DMD: variants seen among roughly 807,000 people sequenced by gnomAD.
The protein encoded by DMD is mutant dystrophin.
In DMD, 63 loss-of-function variants were observed where a neutral mutation model predicts 330.1. That is an observed-to-expected ratio of 0.19 (90% CI 0.16 to 0.24). The LOEUF (loss-of-function observed/expected upper bound fraction) is 0.24, where lower values mean the gene tolerates loss of function less well. Ranked by LOEUF, DMD falls within the 10% of genes least tolerant of loss-of-function variation. The probability of loss-of-function intolerance (pLI) is 1.00; values close to 1 mark genes in which losing one functional copy is unlikely to be tolerated. For missense variants in DMD, 3,344 were observed against 2,684.1 expected (o/e 1.25, Z -5.43); for synonymous variants, 1,223 against 959.8 (o/e 1.27, Z -5.07).
chrX:33,276,301 T>C (rs887294332), intron 1 of DMD, among the ~76,000 whole-genome samples: 2 of 110,788 alleles, frequency 1.8e-5, no homozygotes, highest in Non-Finnish European at 3.8e-5. Context: ...ATGAAGAGGC[T>C]GGAGTATTTT....
chrX:33,022,711 T>C (rs2093936665), intron 1 of DMD, among the ~76,000 whole-genome samples: 1 of 111,565 alleles, frequency 9.0e-6, no homozygotes, highest in Admixed American at 9.6e-5. Context: ...GTGACAGAAA[T>C]GAACTTGATA....
chrX:31,842,086 A>G (rs5927880), intron 48 of DMD, among the ~76,000 whole-genome samples: 42,516 of 110,645 alleles, frequency 0.38, 6,594 homozygotes, highest in African/African-American at 0.58. Flanking sequence ...TGTGATTCAT[A>G]GAAAGAGGTA....
At chrX:31,820,557 C>G (rs2092731000) in intron 49 of DMD, among the ~76,000 whole-genome samples, 1 of 112,038 alleles carries the variant, frequency 8.9e-6, no homozygotes, top group African/African-American at 3.2e-5. Flanking sequence ...AAGAAAGACT[C>G]TTGTTCTAGA....
chrX:33,151,071 T>A (rs916863731), intron 1 of DMD, among the ~76,000 whole-genome samples: 5 of 112,753 alleles, frequency 4.4e-5, no homozygotes, highest in Non-Finnish European at 7.5e-5. Flanking sequence ...TGCTTTGCTA[T>A]GTTATGCTGC....
intron 13 of DMD, among the ~76,000 whole-genome samples, chrX:32,594,533 T>C (rs2055299781): frequency 9.0e-6 from 1 of 111,527 alleles, no homozygotes; most frequent in Non-Finnish European, 1.9e-5. Flanking sequence ...TGTTTCTCTT[T>C]CCTGTAATTC....
chrX:32,494,665 A>T (rs987567829), intron 19 of DMD, among the ~76,000 whole-genome samples: 8 of 111,755 alleles, frequency 7.2e-5, no homozygotes, highest in Admixed American at 1.9e-4. Flanking sequence ...AGACAATGCC[A>T]TATAGAGGAA....
chrX:32,677,120 T>G (rs2062025125), intron 9 of DMD, among the ~76,000 whole-genome samples: 1 of 111,500 alleles, frequency 9.0e-6, no homozygotes, highest in Admixed American at 9.6e-5. Context: ...ATAAAATTAA[T>G]TGAAAAGAGT....
chrX:33,037,500 G>A (rs1174311505), intron 1 of DMD, among the ~76,000 whole-genome samples: 1 of 111,400 alleles, frequency 9.0e-6, no homozygotes, highest in Non-Finnish European at 1.9e-5. Flanking sequence ...AATTGTCTCT[G>A]GGTTACTATC....
At chrX:32,893,912 T>G (rs897554709) in intron 2 of DMD, among the ~76,000 whole-genome samples, 4 of 110,812 alleles carry the variant, frequency 3.6e-5, no homozygotes, top group African/African-American at 1.3e-4. Context: ...GGCTGGCATG[T>G]TTGGGCTTGC....
chrX:32,179,138 A>G (rs2096918503), intron 44 of DMD, among the ~76,000 whole-genome samples: 1 of 110,977 alleles, frequency 9.0e-6, no homozygotes. Context: ...CATTTAAGCT[A>G]CCATACAAGC....
chrX:31,348,468 C>A, intron 61 of DMD, 88 bp downstream of exon 61: 1 of 802,533 alleles, frequency 1.2e-6, no homozygotes, highest in South Asian at 2.2e-5. Flanking sequence ...TACTATAATT[C>A]AACTCTTAAT....
At chrX:31,693,757 C>T (rs1004995828) in intron 52 of DMD, among the ~76,000 whole-genome samples, 3 of 111,496 alleles carry the variant, frequency 2.7e-5, no homozygotes, top group Non-Finnish European at 5.7e-5. Flanking sequence ...CTATAAGACA[C>T]TGACGAAAGA....
intron 1 of DMD, among the ~76,000 whole-genome samples, chrX:33,152,826 T>C (rs1265029186): frequency 1.8e-5 from 2 of 111,850 alleles, no homozygotes; most frequent in East Asian, 5.6e-4. Flanking sequence ...ACCTACACTT[T>C]CTTTTCCTCC....
intron 62 of DMD, among the ~76,000 whole-genome samples, chrX:31,306,857 G>A (rs1222430023): frequency 9.0e-6 from 1 of 111,367 alleles, no homozygotes; most frequent in Non-Finnish European, 1.9e-5. Context: ...GCTGGTCTGG[G>A]ATTCATGCTT....
Position 32,959,389 on chromosome X carries a change from G to T in DMD, c.93+60750C>A, listed in dbSNP as rs1050044236. Among the ~76,000 whole-genome samples the T allele has an allele frequency of 2.7e-5, 3 of 111,373 alleles. No individual in the cohort carries two copies. In the Admixed American group the frequency reaches 2.9e-4, roughly 11 times the overall value. On this transcript the variant is annotated intron_variant, in intron 2 of 78. Coordinates refer to ENST00000357033, the MANE Select transcript of DMD (RefSeq NM_004006.3). ...CAATTCCGGTTTTGTTGTGTTTTATGTAAAACACACCACTGTGGGTTATCA... is the reference window on the plus strand; with the variant it reads ...CAATTCCGGTTTTGTTGTGTTTTATTTAAAACACACCACTGTGGGTTATCA...
At chrX:33,177,085 C>T (rs189716704) in intron 1 of DMD, among the ~76,000 whole-genome samples, 8 of 112,286 alleles carry the variant, frequency 7.1e-5, no homozygotes, top group Non-Finnish European at 1.5e-4. Flanking sequence ...GGGCAAATTG[C>T]ATCCCAGAGC....
chrX:31,462,121 C>T (rs1388517324), intron 59 of DMD, among the ~76,000 whole-genome samples: 1 of 111,820 alleles, frequency 8.9e-6, no homozygotes, highest in Non-Finnish European at 1.9e-5. Flanking sequence ...AGGATTCATC[C>T]CACCTCAGAG....
intron 48 of DMD, among the ~76,000 whole-genome samples, chrX:31,860,588 A>G (rs145665353): frequency 0.014 from 1,548 of 112,240 alleles, 29 homozygotes; most frequent in African/African-American, 0.047. Flanking sequence ...CAAATGGCAA[A>G]CCATTGTGGT....
intron 42 of DMD, among the ~76,000 whole-genome samples, chrX:32,306,728 T>C (rs898773025): frequency 3.6e-5 from 4 of 110,198 alleles, no homozygotes; most frequent in African/African-American, 6.6e-5. Flanking sequence ...CTTCCTCCCT[T>C]CCTTCCTCCT....
Sources: gnomAD v4.1 joint callset for allele counts (sites outside exome capture counted in the v4.1 genomes callset) on GRCh38, gnomAD v4.1.1 for gene constraint, MANE v1.5 for transcripts, NCBI Gene and HGNC (gene_info 2026-07-23, HGNC 2026-07-21) for gene names.